Variants in PTPRK observed in about 807,000 individuals in gnomAD.
PTPRK encodes receptor-type tyrosine-protein phosphatase kappa.
A neutral mutation model predicts 178.0 loss-of-function variants in PTPRK; 75 were observed. The ratio of observed to expected loss-of-function variants is 0.42; its 90% CI spans 0.35 to 0.51. The LOEUF is 0.51. Ranked by LOEUF, PTPRK falls within the 20% of genes least tolerant of loss-of-function variation. The probability of loss-of-function intolerance (pLI) is 0.02; values close to 1 mark genes in which losing one functional copy is unlikely to be tolerated. For synonymous variants in PTPRK, 637 were observed against 620.6 expected (o/e 1.03, Z -0.39); for missense variants, 1,441 against 1,797.8 (o/e 0.80, Z 3.59).
intron 6 of PTPRK, among the ~76,000 whole-genome samples, chr6:128,216,599 T>C (rs1306123826): frequency 6.6e-6 from 1 of 151,510 alleles, no homozygotes; most frequent in Non-Finnish European, 1.5e-5. Context: ...CTCTTTCTTA[T>C]AAATTTTATT....
At chr6:128,180,533 C>T (rs1456415243) in intron 7 of PTPRK, among the ~76,000 whole-genome samples, 1 of 152,060 alleles carries the variant, frequency 6.6e-6, no homozygotes, top group Non-Finnish European at 1.5e-5. Flanking sequence ...ACCACCTCTC[C>T]TAAGTCAGAG....
intron 11 of PTPRK, among the ~76,000 whole-genome samples, chr6:128,076,468 A>G (rs1239782670): frequency 1.3e-5 from 2 of 152,016 alleles, no homozygotes; most frequent in Admixed American, 6.6e-5. Context: ...AAAACTAAAG[A>G]TGGACTTGGT....
rs553269816 is a variant in PTPRK, at chr6:128,316,002, C to A, written c.495+6037G>T. ...AATTCCAATTAACTATCAAAGTCAG[C>A]AGACAACATAATTGAAGACAAAAAT... On this transcript the variant is annotated intron_variant, in intron 3 of 29. Transcript: ENST00000368226. 3.3e-5 allele frequency among the ~76,000 whole-genome samples: 5 copies of A among 152,240 alleles called. No homozygotes were observed. The South Asian group carries it at 1.0e-3, about 32-fold the overall frequency.
chr6:128,196,607 T>C (rs1804903329), intron 6 of PTPRK, among the ~76,000 whole-genome samples: 1 of 152,104 alleles, frequency 6.6e-6, no homozygotes, highest in African/African-American at 2.4e-5. Context: ...GGAGTCCTAG[T>C]TCTATAATCC....
chr6:128,467,519 G>A (rs991737674), intron 1 of PTPRK, among the ~76,000 whole-genome samples: 3 of 152,168 alleles, frequency 2.0e-5, no homozygotes, highest in Non-Finnish European at 4.4e-5. Context: ...TTTGTCTAAG[G>A]TCACTGATGA....
At chr6:128,033,833 A>AG (rs1696705482) in intron 13 of PTPRK, among the ~76,000 whole-genome samples, 1 of 152,104 alleles carries the variant, frequency 6.6e-6, no homozygotes, top group African/African-American at 2.4e-5. Context: ...ATAACACTCT[A>AG]GCCTGGGTAA....
At chr6:128,006,817 TC>T (rs1778482022) in intron 14 of PTPRK, among the ~76,000 whole-genome samples, 1 of 150,992 alleles carries the variant, frequency 6.6e-6, no homozygotes, top group Non-Finnish European at 1.5e-5. Flanking sequence ...AGATGCAATA[TC>T]CCTTTTCTTA....
intron 14 of PTPRK, among the ~76,000 whole-genome samples, chr6:128,007,030 T>G (rs543246793): frequency 6.6e-6 from 1 of 150,922 alleles, no homozygotes; most frequent in East Asian, 1.9e-4. Flanking sequence ...TAAAGTAATT[T>G]CCTTTTCCAT....
At chr6:128,395,787 GT>G (rs1269813191) in intron 2 of PTPRK, among the ~76,000 whole-genome samples, 2 of 152,154 alleles carry the variant, frequency 1.3e-5, no homozygotes, top group Non-Finnish European at 2.9e-5. Flanking sequence ...CACAGTTCCA[GT>G]TTTCCCTCTG....
At chr6:128,246,637 C>T (rs968388738) in intron 3 of PTPRK, among the ~76,000 whole-genome samples, 11 of 152,228 alleles carry the variant, frequency 7.2e-5, no homozygotes, top group African/African-American at 2.4e-4. Context: ...ATCTCAATAG[C>T]TTAATTACGC....
chr6:128,033,658 G>A (rs752278338), intron 13 of PTPRK, among the ~76,000 whole-genome samples: 1 of 152,114 alleles, frequency 6.6e-6, no homozygotes, highest in African/African-American at 2.4e-5. Context: ...GATTGCTTGA[G>A]CCCAGGAGTT....
Position 128,184,600 on chromosome 6 carries a change from T to C in PTPRK, c.994A>G (p.Met332Val), listed in dbSNP as rs1209626384. Residue 332 changes from methionine (M) to valine (V), a missense_variant, in exon 7 of 30, where the codon ATG (methionine) becomes GTG (valine). Transcript: ENST00000368226. ...PIILKEVEYR[M>V]TSGSWTETHA... ...GTTTCTGTCCAGGATCCTGATGTCA[T>C]TCGGTACTCTACTTCTTTCAGGATG... The C allele has an allele frequency of 6.2e-7, 1 of 1,614,036 alleles. No homozygotes were observed. The highest frequency in any genetic ancestry group is 2.2e-5 in the East Asian group (1 of 44,866).
chr6:128,214,257 T>C (rs2128268252), intron 6 of PTPRK, among the ~76,000 whole-genome samples: 1 of 152,194 alleles, frequency 6.6e-6, no homozygotes, highest in Non-Finnish European at 1.5e-5. Context: ...AGTGATTCCA[T>C]GAACAGTTCA....
Position 128,268,262 on chromosome 6 carries a change from T to C in PTPRK, c.496-25660A>G, listed in dbSNP as rs977477867. Among the ~76,000 whole-genome samples the C allele has an allele frequency of 3.3e-5, 5 of 152,066 alleles. No homozygotes were observed. In the East Asian group the frequency reaches 5.8e-4, roughly 18 times the overall value. ...CAGAGAAACACATTTTGCTTCATGATACAATTTTTTAAAAGTGAAAAACGT... is the reference window on the plus strand; with the variant it reads ...CAGAGAAACACATTTTGCTTCATGACACAATTTTTTAAAAGTGAAAAACGT... On this transcript the variant is annotated intron_variant, in intron 3 of 29. Coordinates refer to ENST00000368226, the MANE Select transcript of PTPRK (RefSeq NM_002844.4).
At chr6:128,360,350 C>T (rs911877007) in intron 2 of PTPRK, among the ~76,000 whole-genome samples, 1 of 152,120 alleles carries the variant, frequency 6.6e-6, no homozygotes, top group African/African-American at 2.4e-5. Context: ...TCAGATGAGA[C>T]ACTAATGTTC....
chr6:128,061,650 T>G (rs895696435), intron 13 of PTPRK, among the ~76,000 whole-genome samples: 1 of 152,070 alleles, frequency 6.6e-6, no homozygotes, highest in Admixed American at 6.6e-5. Context: ...CTAGACCCTT[T>G]TCATTCAGCC....
chr6:128,311,154 C>T (rs907586841), intron 3 of PTPRK, among the ~76,000 whole-genome samples: 14 of 152,096 alleles, frequency 9.2e-5, no homozygotes, highest in Non-Finnish European at 2.1e-4. Flanking sequence ...TAAATCTCTA[C>T]CCAAGAGAAA....
At chr6:128,371,447 A>G (rs1562377483) in intron 2 of PTPRK, among the ~76,000 whole-genome samples, 4 of 152,220 alleles carry the variant, frequency 2.6e-5, no homozygotes, top group Middle Eastern at 3.2e-3. Context: ...CAATGTTGTC[A>G]TTACAGATTT....
At chr6:128,506,725 G>A (rs1028534589) in intron 1 of PTPRK, among the ~76,000 whole-genome samples, 4 of 147,468 alleles carry the variant, frequency 2.7e-5, no homozygotes, top group Admixed American at 6.7e-5. Flanking sequence ...AAAAGAATAA[G>A]TTTGCTTCTT....
Sources: allele counts gnomAD v4.1 joint callset (sites outside exome capture counted in the v4.1 genomes callset), GRCh38; gene constraint gnomAD v4.1.1; transcripts MANE v1.5; gene names NCBI Gene and HGNC (gene_info 2026-07-23, HGNC 2026-07-21).